Variants in ASCC3 observed in about 807,000 individuals in gnomAD.
The protein encoded by ASCC3 is ASC-1 complex subunit P200.
A neutral mutation model predicts 256.3 loss-of-function variants in ASCC3; 158 were observed. The observed-to-expected ratio is 0.62, with a 90% CI of 0.54 to 0.70. The LOEUF is 0.70. Among genes scored for constraint, ASCC3 ranks in the 30% least tolerant of loss-of-function variants. The pLI is 0.00. For synonymous variants in ASCC3, 948 were observed against 883.4 expected (o/e 1.07, Z -1.30); for missense variants, 2,259 against 2,626.0 (o/e 0.86, Z 3.05).
rs570297304 is a variant in ASCC3, at chr6:100,600,453, T to C, written c.5303+1357A>G. ...TGGTAAATGTGCAGTTCTGGATGGC[T>C]ATCTCACTAATTTTGCAGCTATGTT... On this transcript the variant is annotated intron_variant, in intron 34 of 41. Transcript: ENST00000369162. Among the ~76,000 whole-genome samples, 186 of 152,278 alleles carry C rather than the reference T, an allele frequency of 1.2e-3. 1 individual carries two copies. Among genetic ancestry groups the C allele is most frequent in the African/African-American group, 4.2e-3 (176 of 41,576 alleles).
In ASCC3 at chr6:100,642,671, C is replaced by A; in HGVS notation, c.3811G>T (p.Ala1271Ser). 1.2e-6 allele frequency: 2 copies of A among 1,613,866 alleles called. No homozygotes were observed. ...EPLPSQYYIR[A>S]VSDRWLGAEA... The stretch of plus-strand genomic sequence containing the variant: ...GCACCCAACCATCTATCAGACACTG[C>A]TCGGATGTAGTATTGGGAAGGCAAA... Residue 1271 changes from alanine (A) to serine (S), a missense_variant, in exon 24 of 42, where the codon GCA becomes TCA. Ala to Ser is a moderately conservative substitution (Grantham distance 99, BLOSUM62 1). This residue lies in a region of ASCC3 where 1,839 missense variants were observed against 2,206.7 expected (regional missense o/e 0.83). Coordinates refer to ENST00000369162, the MANE Select transcript of ASCC3 (RefSeq NM_006828.4).
At chr6:100,541,137 C>A (rs1327340057) in intron 36 of ASCC3, among the ~76,000 whole-genome samples, 1 of 151,952 alleles carries the variant, frequency 6.6e-6, no homozygotes, top group African/African-American at 2.4e-5. Context: ...TGTTGTGAAA[C>A]AAACATCATA....
chr6:100,813,120 T>G (rs1770562278), intron 4 of ASCC3, among the ~76,000 whole-genome samples: 1 of 152,018 alleles, frequency 6.6e-6, no homozygotes, highest in Admixed American at 6.5e-5. Context: ...GTTTAAATCT[T>G]CTGAAATTTA....
At chr6:100,865,892 T>G (rs1396927828) in intron 2 of ASCC3, among the ~76,000 whole-genome samples, 4 of 152,188 alleles carry the variant, frequency 2.6e-5, no homozygotes, top group Admixed American at 2.6e-4. Context: ...CCCTGTGACA[T>G]TTATATGAAA....
chr6:100,798,806 A>T lies in ASCC3; in HGVS notation c.1302T>A (p.Asn434Lys), dbSNP rs1287884075. The change falls in exon 8 of 42, where the codon AAT becomes AAA. Residue 434 changes from asparagine (N) to lysine (K), a missense_variant. Coordinates refer to ENST00000369162, the MANE Select transcript of ASCC3 (RefSeq NM_006828.4). ...TCCTTACTTCTTCATAAAGCTTGTT[A>T]TTCTCTCTTTGGATTCCTTCTGGCA... ...MILPEGIQRENNKLYEEVRIP... is the reference protein window; with the variant it reads ...MILPEGIQREKNKLYEEVRIP... The T allele has an allele frequency of 1.2e-6, 2 of 1,612,824 alleles. No individual in the cohort carries two copies.
rs1004045827 is a variant in ASCC3 at position 100,602,081 on chromosome 6, T to C, written c.5178-146A>G. 1.4e-5 allele frequency: 11 copies of C among 759,066 alleles called. No homozygotes were observed. In the Admixed American group the frequency reaches 3.2e-4, roughly 22 times the overall value. The allele number at this position is 759,066 out of a possible 1,614,324, so 47.0% of individuals were successfully genotyped here. On this transcript the variant is annotated intron_variant, in intron 33 of 41. Transcript: ENST00000369162. ...TAACTTAAATATTTAGTATATAATT[T>C]TGTATACTGTGTAAATAATTCATTC...
At chr6:100,860,168 A>C (rs1330502220) in intron 3 of ASCC3, among the ~76,000 whole-genome samples, 1 of 152,014 alleles carries the variant, frequency 6.6e-6, no homozygotes, top group Non-Finnish European at 1.5e-5. Flanking sequence ...CTTTATTTTA[A>C]AAAGTTTATA....
intron 8 of ASCC3, among the ~76,000 whole-genome samples, chr6:100,785,384 C>T (rs1249788789): frequency 2.0e-5 from 3 of 152,068 alleles, no homozygotes; most frequent in African/African-American, 7.2e-5. Context: ...TGCATTTACA[C>T]CATCCATTCA....
intron 3 of ASCC3, chr6:100,856,697 T>C (rs1249054499): frequency 2.0e-5 from 3 of 152,172 alleles, no homozygotes; most frequent in East Asian, 1.9e-4. Flanking sequence ...TGGTCATGCC[T>C]AGTTTTCAGT....
intron 4 of ASCC3, among the ~76,000 whole-genome samples, chr6:100,832,163 A>T (rs1771653734): frequency 6.6e-6 from 1 of 152,170 alleles, no homozygotes. Flanking sequence ...ATAGCCTGGA[A>T]TGTTCTAGGA....
intron 8 of ASCC3, among the ~76,000 whole-genome samples, chr6:100,780,732 T>C (rs772452832): frequency 2.3e-4 from 35 of 152,236 alleles, no homozygotes; most frequent in Non-Finnish European, 5.0e-4. Context: ...AAGTAACCAT[T>C]TGTTGAATGT....
At chr6:100,687,375 T>A (rs975984671) in intron 13 of ASCC3, among the ~76,000 whole-genome samples, 4 of 152,126 alleles carry the variant, frequency 2.6e-5, no homozygotes. Flanking sequence ...TGTTTGTTTG[T>A]TTTTTGAGAC....
intron 36 of ASCC3, among the ~76,000 whole-genome samples, chr6:100,563,106 A>G (rs919281675): frequency 1.3e-5 from 2 of 151,968 alleles, no homozygotes; most frequent in African/African-American, 2.4e-5. Context: ...TTTTTTAAAT[A>G]TTATGATTAA....
chr6:100,522,527 T>C (rs1468557144), intron 37 of ASCC3, among the ~76,000 whole-genome samples: 1 of 152,104 alleles, frequency 6.6e-6, no homozygotes, highest in East Asian at 1.9e-4. Flanking sequence ...GCTAGAGCTG[T>C]GGACTTAGAA....
At chr6:100,865,216 T>C (rs1399256989) in intron 2 of ASCC3, among the ~76,000 whole-genome samples, 2 of 152,218 alleles carry the variant, frequency 1.3e-5, no homozygotes, top group South Asian at 2.1e-4. Context: ...TATTTGTCTC[T>C]TTACTTTTGT....
intron 10 of ASCC3, among the ~76,000 whole-genome samples, chr6:100,758,234 GTTA>G (rs1429012706): frequency 6.6e-6 from 1 of 152,122 alleles, no homozygotes; most frequent in African/African-American, 2.4e-5. Flanking sequence ...TGACAAGATT[GTTA>G]TTTTCACTTT....
chr6:100,662,353 T>C lies in ASCC3; in HGVS notation c.2470A>G (p.Ile824Val). 1 of 1,612,754 alleles carries C rather than the reference T, an allele frequency of 6.2e-7. No homozygotes were observed. The highest frequency in any genetic ancestry group is 1.1e-5 in the South Asian group (1 of 91,016). Residue 824 changes from isoleucine to valine, a missense_variant, in exon 15 of 42, where the codon ATT becomes GTT. Ile to Val is a conservative substitution (Grantham distance 29). Around this residue, in one of 2 missense-constraint regions of ASCC3, gnomAD observed 1,839 missense variants for 2,206.7 expected, o/e 0.83. Transcript: ENST00000369162. ...GGAAGGTAAGCTCTTACCTTAATAA[T>C]AACAGCATGGGCGGGAAGATTGACA... Reference protein sequence around the residue: ...WGVNLPAHAVIIKGTQIYAAK... With the variant: ...WGVNLPAHAVVIKGTQIYAAK...
rs528415646 is a variant in ASCC3, at chr6:100,510,282, T to C, written c.6286-175A>G. On this transcript the variant is annotated intron_variant, in intron 40 of 41. Transcript: ENST00000369162. The stretch of plus-strand genomic sequence containing the variant: ...CTGGTTTGGTGTCTTTGATATGCAA[T>C]TATTTAACTTACTTCAAGATTCTCA... 1.8e-5 allele frequency: 12 copies of C among 653,206 alleles called. No homozygotes were observed. In the South Asian group the frequency reaches 2.3e-4, roughly 12 times the overall value. The allele number at this position is 653,206 out of a possible 1,614,324, so 40.5% of individuals were successfully genotyped here. A position where few individuals can be genotyped will look rare whatever the true frequency, so the allele number is the denominator to read the frequency against.
intron 36 of ASCC3, among the ~76,000 whole-genome samples, chr6:100,575,212 A>AT (rs1003063724): frequency 1.5e-4 from 23 of 151,256 alleles, no homozygotes; most frequent in Admixed American, 8.6e-4. Context: ...AAACTCTTTA[A>AT]TTTTTTTTTA....
Sources: gnomAD v4.1 joint callset for allele counts (sites outside exome capture counted in the v4.1 genomes callset) on GRCh38, gnomAD v4.1.1 for gene constraint, gnomAD v4.1.1 regional missense constraint, MANE v1.5 for transcripts, NCBI Gene and HGNC (gene_info 2026-07-23, HGNC 2026-07-21) for gene names.